NAT16: variants seen among roughly 807,000 people sequenced by gnomAD.
The protein encoded by NAT16 is probable N-acetyltransferase 16.
In NAT16, 16 loss-of-function variants were observed where a neutral mutation model predicts 15.9. That is an observed-to-expected ratio of 1.01 (90% CI 0.68 to 1.53). NAT16 has a LOEUF of 1.53. Ranked by LOEUF, NAT16 falls within the 40% of genes most tolerant of loss-of-function variation. The pLI is 0.00. For synonymous variants in NAT16, 260 were observed against 241.9 expected (o/e 1.07, Z -0.69); for missense variants, 572 against 508.4 (o/e 1.13, Z -1.20).
rs11982332 is a variant in NAT16 at position 101,171,164 on chromosome 7, G to A, written c.*915C>T. The A allele has an allele frequency of 0.14, 21,481 of 152,638 alleles. 1,665 individuals carry two copies. The highest frequency in any genetic ancestry group is 0.18 in the South Asian group (882 of 4,906). 9.5% of individuals were successfully genotyped at this position (152,638 alleles called of 1,614,324 possible). A position where few individuals can be genotyped will look rare whatever the true frequency, so the allele number is the denominator to read the frequency against. ...TCCACTGTACCAAACTCTTCAGCTA[G>A]AACCACACCACACACACACCACCAC... On this transcript the variant is annotated 3_prime_UTR_variant, in exon 4 of 4. Transcript: ENST00000300303.
rs890758386 is a variant in NAT16, at chr7:101,172,946, A to T, written c.538-295T>A. Among the ~76,000 whole-genome samples the T allele has an allele frequency of 6.6e-6, 1 of 152,106 alleles. No homozygotes were observed. The highest frequency in any genetic ancestry group is 1.5e-5 in the Non-Finnish European group (1 of 67,994). ...GGTACGGGTCCCCGGGTCTCCAGGG[A>T]CGTGAAAGCCAGGGAGGCCGATCAG... On this transcript the variant is annotated intron_variant, in intron 3 of 3. Transcript: ENST00000300303. This position sits in a 1 kb window ranked among gnomAD's most constrained non-coding sequence, Gnocchi z 4.2.
At chr7:101,174,106 T>A (rs1584221320) in intron 2 of NAT16, 1 of 303,006 alleles carries the variant, frequency 3.3e-6, no homozygotes, top group Non-Finnish European at 6.1e-6. Context: ...CCTTGGCTCC[T>A]CCCCCGGGAG....
Position 101,172,598 on chromosome 7 carries a change from C to CT in NAT16, c.590_591insA (p.Arg198AlafsTer55). ...CAGAGGTCCGCAGCGCCGCCAGCCG[C>CT]GCGCCCAGCCCGGCCAGCAGCGCGG... On this transcript the variant is annotated frameshift_variant, in exon 4 of 4. Transcript: ENST00000300303. LOFTEE classifies it low-confidence loss of function (END_TRUNC). The surrounding 1 kb of genome is among the most constrained non-coding windows in gnomAD (Gnocchi z 4.2). 1 of 1,527,916 alleles carries CT rather than the reference C, an allele frequency of 6.5e-7. No homozygotes were observed. The highest frequency in any genetic ancestry group is 8.7e-7 in the Non-Finnish European group (1 of 1,145,946). The allele number at this position is 1,527,916 out of a possible 1,614,324, so 94.6% of individuals were successfully genotyped here.
Position 101,172,033 on chromosome 7 carries a change from C to G in NAT16, c.*46G>C, listed in dbSNP as rs1036862883. 4.4e-6 allele frequency: 6 copies of G among 1,371,458 alleles called. No homozygotes were observed. In the Admixed American group the frequency reaches 1.2e-4, roughly 28 times the overall value. 85.0% of individuals were successfully genotyped at this position (1,371,458 alleles called of 1,614,324 possible). On this transcript the variant is annotated 3_prime_UTR_variant, in exon 4 of 4. Coordinates refer to ENST00000300303, the MANE Select transcript of NAT16 (RefSeq NM_198571.3). This position sits in a 1 kb window ranked among gnomAD's most constrained non-coding sequence, Gnocchi z 4.2. ...GGAAAGAGGCTGGCTGGGGAAACTG[C>G]GGAAGGGGGCGGGTCTTTTTCCCCC...
At chr7:101,177,115 A>G (rs990691492) in intron 1 of NAT16, among the ~76,000 whole-genome samples, 2 of 152,094 alleles carry the variant, frequency 1.3e-5, no homozygotes, top group African/African-American at 4.8e-5. Context: ...TTACCTGGAT[A>G]TGGAGCCAGA....
chr7:101,176,810 C>T (rs892539283), intron 1 of NAT16, among the ~76,000 whole-genome samples: 3 of 152,192 alleles, frequency 2.0e-5, no homozygotes, highest in Non-Finnish European at 4.4e-5. Flanking sequence ...CTCAGATAAC[C>T]TACGTTAAGC....
chr7:101,179,680 G>C (rs1464525954), intron 1 of NAT16, among the ~76,000 whole-genome samples: 1 of 151,664 alleles, frequency 6.6e-6, no homozygotes. Flanking sequence ...AGGGGGGGCT[G>C]TCCTGCAGGG....
rs1797382935 is a variant in NAT16 at position 101,173,322 on chromosome 7, T to C, written c.511A>G (p.Lys171Glu). Reference protein sequence around the residue: ...RDDQLGPRELKKYRLITKQGI... With the variant: ...RDDQLGPRELEKYRLITKQGI... ...TGCTTGGTGATTAGGCGGTATTTCTTCAGCTCCCGGGGGCCCAGCTGGTCG... is the reference window on the plus strand; with the variant it reads ...TGCTTGGTGATTAGGCGGTATTTCTCCAGCTCCCGGGGGCCCAGCTGGTCG... Residue 171 changes from lysine to glutamate, a missense_variant, in exon 3 of 4, where the codon AAG (lysine) becomes GAG (glutamate). Transcript: ENST00000300303. 2 of 1,613,964 alleles carry C rather than the reference T, an allele frequency of 1.2e-6. No individual in the cohort carries two copies. The highest frequency in any genetic ancestry group is 1.7e-6 in the Non-Finnish European group (2 of 1,179,962).
rs1797343824 is a variant in NAT16 at position 101,172,356 on chromosome 7, G to A, written c.833C>T (p.Thr278Met). 2 of 1,586,640 alleles carry A rather than the reference G, an allele frequency of 1.3e-6. No individual in the cohort carries two copies. The highest frequency in any genetic ancestry group is 2.7e-5 in the African/African-American group (2 of 74,150). ...VDSRARPRVLTLCTRPFPIPH... is the reference protein window; with the variant it reads ...VDSRARPRVLMLCTRPFPIPH... ...GATGGGGAAGGGGCGCGTGCACAGC[G>A]TGAGCACGCGCGGGCGCGCGCGGCT... The change falls in exon 4 of 4, where the codon ACG (threonine) becomes ATG (methionine). Residue 278 changes from threonine (T) to methionine (M), a missense_variant. Transcript: ENST00000300303. The surrounding 1 kb of genome is among the most constrained non-coding windows in gnomAD (Gnocchi z 4.2).
At chr7:101,178,419 C>T (rs1006711406) in intron 1 of NAT16, among the ~76,000 whole-genome samples, 1 of 152,106 alleles carries the variant, frequency 6.6e-6, no homozygotes, top group Non-Finnish European at 1.5e-5. Context: ...ACATGGTGAC[C>T]ACTTCCTACC....
chr7:101,173,139 C>A (rs1211011986), intron 3 of NAT16, among the ~76,000 whole-genome samples, 157 bp downstream of exon 3: 2 of 152,032 alleles, frequency 1.3e-5, no homozygotes. Flanking sequence ...GTCAAAGGGT[C>A]TGGTAAGGAC....
At chr7:101,174,884 G>A (rs1797432888) in intron 1 of NAT16, 73 bp from the exon 2 acceptor site, 3 of 1,489,104 alleles carry the variant, frequency 2.0e-6, no homozygotes, top group Non-Finnish European at 2.7e-6. Flanking sequence ...GCACACAAAC[G>A]GTCCTAATGC....
Position 101,172,052 on chromosome 7 carries a change from T to C in NAT16, c.*27A>G. On this transcript the variant is annotated 3_prime_UTR_variant, in exon 4 of 4. Transcript: ENST00000300303. This position sits in a 1 kb window ranked among gnomAD's most constrained non-coding sequence, Gnocchi z 4.2. ...AAACTGCGGAAGGGGGCGGGTCTTT[T>C]TCCCCCTCCCCGCCAGAGGAGAGGC... The C allele has an allele frequency of 6.6e-7, 1 of 1,519,852 alleles. No homozygotes were observed. The highest frequency in any genetic ancestry group is 9.0e-7 in the Non-Finnish European group (1 of 1,108,816). The allele number at this position is 1,519,852 out of a possible 1,614,324, so 94.1% of individuals were successfully genotyped here. A position where few individuals can be genotyped will look rare whatever the true frequency, so the allele number is the denominator to read the frequency against.
chr7:101,177,302 G>T lies in NAT16; in HGVS notation c.-4-2491C>A, dbSNP rs182920011. On this transcript the variant is annotated intron_variant, in intron 1 of 3. Coordinates refer to ENST00000300303, the MANE Select transcript of NAT16 (RefSeq NM_198571.3). Reference sequence around the variant, plus strand: ...TAAGTTTCCTTGGCTTCCAGGCCAGGGGGGAGACCTCTTATTATTATTGTT... The same window carrying T: ...TAAGTTTCCTTGGCTTCCAGGCCAGTGGGGAGACCTCTTATTATTATTGTT... 8.8e-4 allele frequency among the ~76,000 whole-genome samples: 134 copies of T among 152,158 alleles called. 1 individual carries two copies. Among genetic ancestry groups the T allele is most frequent in the African/African-American group, 3.1e-3 (130 of 41,558 alleles).
In NAT16 at chr7:101,172,781, G is replaced by C; in HGVS notation, c.538-130C>G. 1.4e-6 allele frequency: 1 copy of C among 725,208 alleles called. No homozygotes were observed. Among genetic ancestry groups the C allele is most frequent in the Admixed American group, 3.5e-5 (1 of 28,196 alleles). The allele number at this position is 725,208 out of a possible 1,614,324, so 44.9% of individuals were successfully genotyped here. On this transcript the variant is annotated intron_variant, in intron 3 of 3. Coordinates refer to ENST00000300303, the MANE Select transcript of NAT16 (RefSeq NM_198571.3). This position sits in a 1 kb window ranked among gnomAD's most constrained non-coding sequence, Gnocchi z 4.2. ...CCCACCTGGGTCCCTCTGGAGGAGC[G>C]ACCGTGAGGGCTCCGGGCCGAGTGG...
At position 101,173,458 on chromosome 7, in the gene NAT16, G is replaced by T. The variant is rs1259727757; in HGVS notation, c.375C>A (p.Arg125=). The T allele has an allele frequency of 1.2e-5, 19 of 1,611,766 alleles. 1 individual carries two copies. Among genetic ancestry groups the T allele is most frequent in the Non-Finnish European group, 1.6e-5 (19 of 1,178,998 alleles). ...CCTTCCCGCGCTCCCAGGGCGCCAC[G>T]CGCAGCCCCTCCACCAGCACCGTCT... The part of the protein sequence containing the change: ...AGETVLVEGL[R]VAPWERGKGV... Residue 125 remains arginine (R), a synonymous_variant, in exon 3 of 4, where the codon CGC becomes CGA. Transcript: ENST00000300303.
chr7:101,173,562 G>A (rs775884669), intron 2 of NAT16, 42 bp from the exon 3 acceptor site: 29 of 1,482,624 alleles, frequency 2.0e-5, no homozygotes, highest in Non-Finnish European at 2.6e-5. Context: ...CCCCGCCTGC[G>A]CCCCTGCCAG....
At chr7:101,174,872 CT>C in intron 1 of NAT16, 61 bp from the exon 2 acceptor site, 2 of 1,495,706 alleles carry the variant, frequency 1.3e-6, no homozygotes, top group Non-Finnish European at 1.8e-6. Context: ...ATCTGGGCCC[CT>C]GCACACAAAC....
chr7:101,173,397 G>C lies in NAT16; in HGVS notation c.436C>G (p.Leu146Val). The change falls in exon 3 of 4, where the codon CTG becomes GTG. Residue 146 changes from leucine (L) to valine (V), a missense_variant. Coordinates refer to ENST00000300303, the MANE Select transcript of NAT16 (RefSeq NM_198571.3). ...ACCCCCGGGTGCTGTCTCTTGACCAGCTGCGAGCAGAAGCGCTGCAGCAGC... is the reference window on the plus strand; with the variant it reads ...ACCCCCGGGTGCTGTCTCTTGACCACCTGCGAGCAGAAGCGCTGCAGCAGC... ...AGLLQRFCSQ[L>V]VKRQHPGVKV... 1 of 1,613,854 alleles carries C rather than the reference G, an allele frequency of 6.2e-7. No homozygotes were observed. The highest frequency in any genetic ancestry group is 8.5e-7 in the Non-Finnish European group (1 of 1,179,892).
Sources: gnomAD v4.1 joint callset for allele counts (sites outside exome capture counted in the v4.1 genomes callset) on GRCh38, gnomAD v4.1.1 for gene constraint, Gnocchi (gnomAD v3.1) non-coding constraint, MANE v1.5 for transcripts, NCBI Gene and HGNC (gene_info 2026-07-23, HGNC 2026-07-21) for gene names.